The following GTF2F2 variants were observed in gnomAD, a reference collection of about 807,000 sequenced individuals.
GTF2F2 encodes the protein general transcription factor IIF subunit 2, also known as ATP-dependent helicase GTF2F2.
Under a neutral mutation model 42.2 loss-of-function variants are expected in GTF2F2, and 23 were observed. That is an observed-to-expected ratio of 0.55 (90% CI 0.39 to 0.77). The LOEUF is 0.77. GTF2F2 is among the 30% of genes least tolerant of loss of function. The pLI is 0.00. For synonymous variants in GTF2F2, 105 were observed against 100.8 expected, an observed-to-expected ratio of 1.04 and a Z score of -0.25; for missense variants, 261 against 287.2, an observed-to-expected ratio of 0.91 and a Z score of 0.66.
At chr13:45,128,008 C>T (rs1357865921) in intron 1 of GTF2F2, among the ~76,000 whole-genome samples, 2 of 126,994 alleles carry the variant, frequency 1.6e-5, no homozygotes, top group South Asian at 2.5e-4. Flanking sequence ...TCACCCAGGC[C>T]GGAGTGCAGT....
At chr13:45,233,000 G>T (rs1874765620) in intron 5 of GTF2F2, among the ~76,000 whole-genome samples, 1 of 152,152 alleles carries the variant, frequency 6.6e-6, no homozygotes, top group African/African-American at 2.4e-5. Context: ...TACAAAATTT[G>T]TAAAGGCTCA....
intron 7 of GTF2F2, among the ~76,000 whole-genome samples, chr13:45,273,654 A>ATTTTTTTTTTT (rs1331934269): frequency 1.8e-5 from 2 of 110,828 alleles, no homozygotes; most frequent in Non-Finnish European, 3.6e-5. Context: ...AGAGTGGTAA[A>ATTTTTTTTTTT]ATTTTTTTTT....
chr13:45,215,264 A>G (rs1163799408), intron 5 of GTF2F2, among the ~76,000 whole-genome samples: 1 of 152,244 alleles, frequency 6.6e-6, no homozygotes, highest in Non-Finnish European at 1.5e-5. Flanking sequence ...AAGCTGAATT[A>G]TAAATAGGAT....
chr13:45,194,020 AATCC>A, intron 4 of GTF2F2: 1 of 1,614,148 alleles, frequency 6.2e-7, no homozygotes, highest in Non-Finnish European at 8.5e-7. Context: ...CTCCTCTGGA[AATCC>A]ATCCAGCCTG....
Position 45,203,240 on chromosome 13 carries a change from C to CTT in GTF2F2, c.305-4169_305-4168dup, listed in dbSNP as rs534331107. 3.8e-4 allele frequency among the ~76,000 whole-genome samples: 53 copies of CTT among 140,572 alleles called. 1 individual carries two copies. The highest frequency in any genetic ancestry group is 1.7e-3 in the East Asian group (8 of 4,774). 92.2% of individuals were successfully genotyped at this position (140,572 alleles called of 152,430 possible). A position where few individuals can be genotyped will look rare whatever the true frequency, so the allele number is the denominator to read the frequency against. Reference sequence around the variant, plus strand: ...TACAGGCATGCACCACCACGCCCACCTTTTTTTTTTTTTTTTGGATTTTTA... The same window carrying CTT: ...TACAGGCATGCACCACCACGCCCACCTTTTTTTTTTTTTTTTTTGGATTTTTA... On this transcript the variant is annotated intron_variant, in intron 4 of 7. Transcript: ENST00000340473.
chr13:45,194,901 G>T (rs1872815373), intron 4 of GTF2F2, among the ~76,000 whole-genome samples: 1 of 152,174 alleles, frequency 6.6e-6, no homozygotes. Flanking sequence ...AGATCCAAAT[G>T]TTTAATTCTT....
chr13:45,247,764 C>G (rs564424529), intron 5 of GTF2F2, among the ~76,000 whole-genome samples: 79 of 152,266 alleles, frequency 5.2e-4, no homozygotes, highest in African/African-American at 1.9e-3. Flanking sequence ...TACTTTCAAG[C>G]TTCACCAACT....
At chr13:45,282,256 G>T (rs979660110) in intron 7 of GTF2F2, among the ~76,000 whole-genome samples, 9 of 151,834 alleles carry the variant, frequency 5.9e-5, no homozygotes, top group African/African-American at 2.2e-4. Context: ...CTCCAAGAAG[G>T]AAATTCTGTA....
chr13:45,195,289 T>TA (rs961582568), intron 4 of GTF2F2, among the ~76,000 whole-genome samples: 73 of 149,752 alleles, frequency 4.9e-4, no homozygotes, highest in Middle Eastern at 3.5e-3. Flanking sequence ...ACCCTAAAAG[T>TA]AAAAAAAAAA....
intron 5 of GTF2F2, 56 bp from the exon 6 acceptor site, chr13:45,252,815 T>C: frequency 2.7e-6 from 2 of 736,722 alleles, no homozygotes; most frequent in East Asian, 2.9e-5. Flanking sequence ...ATAATAACTC[T>C]TCATATTTCA....
Position 45,201,202 on chromosome 13 carries a change from C to T in GTF2F2, c.305-6222C>T, listed in dbSNP as rs140545162. On this transcript the variant is annotated intron_variant, in intron 4 of 7. Coordinates refer to ENST00000340473, the MANE Select transcript of GTF2F2 (RefSeq NM_004128.3). ...TAAAAAAAGTGCCAGTATCATTTCT[C>T]CTCAGTTCTTTGACATAGAGTGTAT... Among the ~76,000 whole-genome samples, 753 of 152,310 alleles carry T rather than the reference C, an allele frequency of 4.9e-3. 8 individuals carry two copies. The highest frequency in any genetic ancestry group is 0.017 in the African/African-American group (714 of 41,568).
intron 6 of GTF2F2, among the ~76,000 whole-genome samples, chr13:45,260,064 A>G (rs1212865104): frequency 6.6e-6 from 1 of 152,096 alleles, no homozygotes; most frequent in Non-Finnish European, 1.5e-5. Flanking sequence ...TAAGAGAAAA[A>G]AAAGAAAAGC....
At chr13:45,247,379 A>G (rs1303155647) in intron 5 of GTF2F2, among the ~76,000 whole-genome samples, 1 of 151,534 alleles carries the variant, frequency 6.6e-6, no homozygotes, top group Non-Finnish European at 1.5e-5. Flanking sequence ...TCTGTTAGAC[A>G]GATACCTGGT....
At chr13:45,159,632 C>T (rs1466442887) in intron 4 of GTF2F2, among the ~76,000 whole-genome samples, 2 of 152,138 alleles carry the variant, frequency 1.3e-5, no homozygotes, top group East Asian at 1.9e-4. Flanking sequence ...GCCACCACGC[C>T]GGGCTAATTT....
At chr13:45,133,565 T>C (rs1035814915) in intron 1 of GTF2F2, among the ~76,000 whole-genome samples, 2 of 152,234 alleles carry the variant, frequency 1.3e-5, no homozygotes, top group African/African-American at 4.8e-5. Context: ...TCAAGTATTC[T>C]GTTTTATCTA....
chr13:45,257,985 A>T (rs796739835), intron 6 of GTF2F2, among the ~76,000 whole-genome samples: 13 of 152,174 alleles, frequency 8.5e-5, no homozygotes, highest in Admixed American at 8.5e-4. Context: ...GAAACTGTCA[A>T]TTAGAGATAA....
chr13:45,135,829 T>TA (rs776288258), intron 1 of GTF2F2, among the ~76,000 whole-genome samples: 3 of 152,362 alleles, frequency 2.0e-5, no homozygotes, highest in Non-Finnish European at 1.5e-5. Context: ...TGTAAGGTGT[T>TA]ATGCTTTATA....
intron 4 of GTF2F2, among the ~76,000 whole-genome samples, chr13:45,160,174 A>G (rs1295941230): frequency 6.6e-6 from 1 of 152,226 alleles, no homozygotes; most frequent in Non-Finnish European, 1.5e-5. Flanking sequence ...TAGTGGGAAG[A>G]GTGCCATTTT....
chr13:45,149,623 T>C, intron 2 of GTF2F2, 147 bp from the exon 3 acceptor site: 2 of 686,920 alleles, frequency 2.9e-6, no homozygotes, highest in Non-Finnish European at 4.5e-6. Context: ...AATAGGATAG[T>C]TGTGGGGAGT....
Sources: allele counts gnomAD v4.1 joint callset (sites outside exome capture counted in the v4.1 genomes callset), GRCh38; gene constraint gnomAD v4.1.1; transcripts MANE v1.5; gene names NCBI Gene and HGNC (gene_info 2026-07-23, HGNC 2026-07-21).